NBPF8: variants seen among roughly 807,000 people sequenced by gnomAD.
The protein encoded by NBPF8 is NBPF family member NBPF8.
intron 24 of NBPF8, 125 bp from the exon 23 acceptor site, chr1:120,465,853 A>G (rs1661728669): frequency 3.8e-6 from 6 of 1,599,182 alleles, no homozygotes; most frequent in South Asian, 1.1e-5. Flanking sequence ...ATAATTTGTT[A>G]CCTCATTAAT....
chr1:120,430,172 T>A (rs1660837186), intron 3 of NBPF8, among the ~76,000 whole-genome samples: 1 of 33,650 alleles, frequency 3.0e-5, no homozygotes, highest in South Asian at 4.4e-4. Flanking sequence ...AATTCAGCAT[T>A]ATACTAGAGG....
chr1:120,430,967 G>T (rs1219221557), intron 3 of NBPF8, among the ~76,000 whole-genome samples: 1 of 151,084 alleles, frequency 6.6e-6, no homozygotes, highest in Non-Finnish European at 1.5e-5. Flanking sequence ...ATTCCAACCG[G>T]CATTTTGGTA....
upstream of NBPF8, among the ~76,000 whole-genome samples, chr1:120,435,769 G>T (rs1553247653): frequency 6.6e-6 from 1 of 151,762 alleles, no homozygotes; most frequent in Non-Finnish European, 1.5e-5. Flanking sequence ...GGGAGTCTGA[G>T]GCAGGAGAAT....
At chr1:120,462,025 TCA>T (rs1661605358) in intron 19 of NBPF8, 119 bp from the exon 18 acceptor site, 13 of 343,816 alleles carry the variant, frequency 3.8e-5, no homozygotes, top group Non-Finnish European at 5.6e-5. Flanking sequence ...AGAATATCTC[TCA>T]CAGTGTCCTA....
chr1:120,452,200 T>A lies in NBPF8; in HGVS notation n.2158T>A, dbSNP rs3882061. The A allele has an allele frequency of 7.0e-5, 82 of 1,163,438 alleles. 6 individuals carry two copies. The highest frequency in any genetic ancestry group is 9.7e-5 in the East Asian group (4 of 41,412). 72.1% of individuals were successfully genotyped at this position (1,163,438 alleles called of 1,614,324 possible). A position where few individuals can be genotyped will look rare whatever the true frequency, so the allele number is the denominator to read the frequency against. The stretch of plus-strand genomic sequence containing the variant: ...TTGCGGGAAGGGAGAGATGCCTCCC[T>A]CTCATTGAATGAGCATCTCCAGGCC... On this transcript the variant is annotated non_coding_transcript_exon_variant, in exon 13 of 25. Transcript: ENST00000583271.
chr1:120,456,854 A>G (rs1235915851), intron 16 of NBPF8, among the ~76,000 whole-genome samples: 3 of 151,888 alleles, frequency 2.0e-5, no homozygotes, highest in African/African-American at 4.8e-5. Context: ...ATTTCTTCCT[A>G]GCGTCAATGG....
intron 3 of NBPF8, among the ~76,000 whole-genome samples, chr1:120,429,463 G>T (rs1324378834): frequency 3.9e-5 from 6 of 152,124 alleles, no homozygotes; most frequent in Non-Finnish European, 7.4e-5. Context: ...GCATGGATTT[G>T]CCCTCCCTGC....
At chr1:120,415,285 C>T (rs1660398578), upstream of NBPF8, among the ~76,000 whole-genome samples, 1 of 152,154 alleles carries the variant, frequency 6.6e-6, no homozygotes, top group African/African-American at 2.4e-5. Flanking sequence ...GGTGAAGGCG[C>T]CGCGCCAGGC....
upstream of NBPF8, among the ~76,000 whole-genome samples, chr1:120,431,455 A>C (rs1462127952): frequency 1.3e-5 from 2 of 148,676 alleles, no homozygotes; most frequent in African/African-American, 4.9e-5. Context: ...GATAAACAGC[A>C]CATTGAAACA....
chr1:120,423,885 G>T (rs2101487544), intron 1 of NBPF8, among the ~76,000 whole-genome samples: 1 of 151,532 alleles, frequency 6.6e-6, no homozygotes, highest in East Asian at 1.9e-4. Flanking sequence ...CTTTTTTCTA[G>T]CTGTGAGGAC....
downstream of NBPF8, among the ~76,000 whole-genome samples, chr1:120,467,895 G>A (rs1661784958): frequency 1.3e-5 from 2 of 151,974 alleles, no homozygotes. Context: ...ACCATACGTA[G>A]CAGAATGTGT....
At chr1:120,468,482 T>TA (rs1661810779), downstream of NBPF8, among the ~76,000 whole-genome samples, 2 of 141,300 alleles carry the variant, frequency 1.4e-5, no homozygotes, top group African/African-American at 5.5e-5. Context: ...CTGGAGTTTT[T>TA]AGGAGATATT....
upstream of NBPF8, among the ~76,000 whole-genome samples, chr1:120,415,580 T>A (rs1660411378): frequency 6.6e-6 from 1 of 152,130 alleles, no homozygotes; most frequent in African/African-American, 2.4e-5. Context: ...TCGTGTATCC[T>A]GTGGAGGACC....
At chr1:120,468,261 G>C (rs1413221876), downstream of NBPF8, among the ~76,000 whole-genome samples, 30 of 150,838 alleles carry the variant, frequency 2.0e-4, no homozygotes, top group Non-Finnish European at 2.2e-4. Context: ...CTTGGTTTTT[G>C]GTTTAGATCC....
At chr1:120,420,420 C>T (rs1660541375) in intron 1 of NBPF8, among the ~76,000 whole-genome samples, 1 of 138,088 alleles carries the variant, frequency 7.2e-6, no homozygotes, top group Non-Finnish European at 1.6e-5. Flanking sequence ...CCCTCTTACC[C>T]CCCATTCTCT....
chr1:120,431,679 A>G (rs1660885401), upstream of NBPF8, among the ~76,000 whole-genome samples: 1 of 151,120 alleles, frequency 6.6e-6, no homozygotes, highest in Non-Finnish European at 1.5e-5. Context: ...TACTTGTAGG[A>G]ATGAAAAATG....
At chr1:120,417,753 C>A (rs1419014690), upstream of NBPF8, among the ~76,000 whole-genome samples, 1 of 135,790 alleles carries the variant, frequency 7.4e-6, no homozygotes, top group Admixed American at 7.5e-5. Context: ...GAGTGTGCCA[C>A]CATGCCTGGC....
At chr1:120,450,000 G>A (rs1553248564) in intron 11 of NBPF8, among the ~76,000 whole-genome samples, 11 of 152,018 alleles carry the variant, frequency 7.2e-5, no homozygotes, top group South Asian at 6.2e-4. Flanking sequence ...AGGCTGAGGC[G>A]GGCAGATCAT....
At chr1:120,468,224 A>T (rs1255987941), downstream of NBPF8, among the ~76,000 whole-genome samples, 1 of 150,550 alleles carries the variant, frequency 6.6e-6, no homozygotes, top group Non-Finnish European at 1.5e-5. Context: ...TACCGGTGAC[A>T]TTCTGTGATT....
Sources: gnomAD v4.1 joint callset for allele counts (sites outside exome capture counted in the v4.1 genomes callset) on GRCh38, gnomAD v4.1.1 for gene constraint, MANE v1.5 for transcripts, NCBI Gene and HGNC (gene_info 2026-07-23, HGNC 2026-07-21) for gene names.